Variants in NDNF observed in about 807,000 individuals in gnomAD.
The protein encoded by NDNF is neuron derived neurotrophic factor.
NDNF carries 16 observed loss-of-function variants against 42.0 expected under a neutral mutation model. The ratio of observed to expected loss-of-function variants is 0.38; its 90% CI spans 0.26 to 0.58. NDNF has a LOEUF of 0.58. Among genes scored for constraint, NDNF ranks in the 20% least tolerant of loss-of-function variants. NDNF has a pLI of 0.67. For missense variants in NDNF, 616 were observed against 666.2 expected, an observed-to-expected ratio of 0.92 and a Z score of 0.83; for synonymous variants, 248 against 251.7, an observed-to-expected ratio of 0.99 and a Z score of 0.14.
chr4:121,042,378 C>A (rs545503145), intron 2 of NDNF, among the ~76,000 whole-genome samples: 14 of 152,296 alleles, frequency 9.2e-5, no homozygotes, highest in Middle Eastern at 3.4e-3. Flanking sequence ...CCAGCCACCA[C>A]CATTCAAAGA....
chr4:121,065,037 G>T (rs568768920), intron 1 of NDNF, among the ~76,000 whole-genome samples: 3 of 152,266 alleles, frequency 2.0e-5, no homozygotes, highest in African/African-American at 4.8e-5. Context: ...TTGGGCTCAA[G>T]TGGTCCTCCA....
At chr4:121,059,533 A>T (rs1227385820) in intron 1 of NDNF, among the ~76,000 whole-genome samples, 2 of 152,236 alleles carry the variant, frequency 1.3e-5, no homozygotes, top group Non-Finnish European at 2.9e-5. Flanking sequence ...ATCCACTGGC[A>T]TGGCTGCCAT....
intron 1 of NDNF, among the ~76,000 whole-genome samples, chr4:121,064,849 T>A (rs1410745483): frequency 6.6e-6 from 1 of 152,204 alleles, no homozygotes; most frequent in Non-Finnish European, 1.5e-5. Context: ...TTACAGTAGA[T>A]ATAATTGTAC....
At position 121,072,453 on chromosome 4, in the gene NDNF, G is replaced by A. The variant is rs1366617313; in HGVS notation, c.-462C>T. On this transcript the variant is annotated 5_prime_UTR_variant, in exon 1 of 4. Coordinates refer to ENST00000379692, the MANE Select transcript of NDNF (RefSeq NM_024574.4). ...GAGCGCCGCGCGGGGTGCTGGGAGA[G>A]CCGGGCGCACGGGGCGGCAGCGGCC... The A allele has an allele frequency of 2.0e-5, 3 of 151,882 alleles. No individual in the cohort carries two copies. The highest frequency in any genetic ancestry group is 4.4e-5 in the Non-Finnish European group (3 of 67,984). 9.4% of individuals were successfully genotyped at this position (151,882 alleles called of 1,614,324 possible).
chr4:121,062,785 C>T (rs779359181), intron 1 of NDNF, among the ~76,000 whole-genome samples: 1 of 151,910 alleles, frequency 6.6e-6, no homozygotes, highest in Non-Finnish European at 1.5e-5. Flanking sequence ...CGGTCAACAA[C>T]GTTCAGTGAT....
At chr4:121,046,787 G>T (rs1396680531) in intron 1 of NDNF, among the ~76,000 whole-genome samples, 1 of 152,192 alleles carries the variant, frequency 6.6e-6, no homozygotes, top group African/African-American at 2.4e-5. Context: ...TGCTGTAGGG[G>T]TGTTGTCAAA....
At chr4:121,045,355 G>GAA (rs200400980) in intron 2 of NDNF, among the ~76,000 whole-genome samples, 151 of 137,198 alleles carry the variant, frequency 1.1e-3, no homozygotes, top group Admixed American at 2.0e-3. Context: ...CCGTCTCAGG[G>GAA]AAAAAAAAAA....
chr4:121,039,905 G>A (rs1726966660), intron 3 of NDNF, 25 bp downstream of exon 3: 1 of 1,604,822 alleles, frequency 6.2e-7, no homozygotes, highest in Non-Finnish European at 8.5e-7. Flanking sequence ...CAAAGGTCCA[G>A]GGGCAGATCT....
chr4:121,036,472 T>A lies in NDNF; in HGVS notation c.1499A>T (p.Gln500Leu). ...NEDQKKREQNQCLGPDIRKKS... is the reference protein window; with the variant it reads ...NEDQKKREQNLCLGPDIRKKS... ...CTTCCTTATATCTGGTCCTAGACAT[T>A]GGTTTTGCTCTCTTTTCTTCTGGTC... Residue 500 changes from glutamine to leucine, a missense_variant, in exon 4 of 4, where the codon CAA becomes CTA. Physicochemically the swap from Gln to Leu is moderately radical, Grantham distance 113 (BLOSUM62 -2). Coordinates refer to ENST00000379692, the MANE Select transcript of NDNF (RefSeq NM_024574.4). The A allele has an allele frequency of 1.2e-6, 2 of 1,614,194 alleles. No individual in the cohort carries two copies. The highest frequency in any genetic ancestry group is 1.7e-6 in the Non-Finnish European group (2 of 1,180,028).
intron 1 of NDNF, among the ~76,000 whole-genome samples, chr4:121,052,146 G>A (rs2148767646): frequency 6.6e-6 from 1 of 152,236 alleles, no homozygotes; most frequent in African/African-American, 2.4e-5. Flanking sequence ...AAATGTAGTT[G>A]TGAAAAATGT....
rs145514803 is a variant in NDNF at position 121,043,305 on chromosome 4, TTAC to T, written c.188+2342_188+2344del. ...TAATGCATTTGCTGTCTTTTTAAAT[TTAC>T]TGCTGTGCAACTTTATCTGGAATTT... is the stretch of plus-strand genomic sequence containing the variant. On this transcript the variant is annotated intron_variant, in intron 2 of 3. Transcript: ENST00000379692. Among the ~76,000 whole-genome samples, 510 of 152,302 alleles carry T rather than the reference TTAC, an allele frequency of 3.3e-3. 2 individuals carry two copies. Among genetic ancestry groups the T allele is most frequent in the African/African-American group, 0.012 (496 of 41,580 alleles).
intron 1 of NDNF, among the ~76,000 whole-genome samples, chr4:121,069,818 T>G (rs1376506256): frequency 6.6e-6 from 1 of 152,214 alleles, no homozygotes; most frequent in African/African-American, 2.4e-5. Context: ...CATTCCCAGT[T>G]GTCCCTCTCT....
In NDNF at chr4:121,035,783, C is replaced by T. The variant is rs886865345; in HGVS notation, c.*481G>A. ...CTAGAGGGCTATCAACTTAATAATA[C>T]TTAGATTAGATCTGTACTTTAATAG... On this transcript the variant is annotated 3_prime_UTR_variant, in exon 4 of 4. Coordinates refer to ENST00000379692, the MANE Select transcript of NDNF (RefSeq NM_024574.4). The T allele has an allele frequency of 6.6e-6, 1 of 152,602 alleles. No individual in the cohort carries two copies. The highest frequency in any genetic ancestry group is 1.5e-5 in the Non-Finnish European group (1 of 68,100). 9.5% of individuals were successfully genotyped at this position (152,602 alleles called of 1,614,324 possible). A position where few individuals can be genotyped will look rare whatever the true frequency, so the allele number is the denominator to read the frequency against.
intron 1 of NDNF, among the ~76,000 whole-genome samples, chr4:121,063,735 G>A (rs1727454722): frequency 1.3e-5 from 2 of 152,268 alleles, no homozygotes; most frequent in Non-Finnish European, 2.9e-5. Context: ...GAACCTGCGC[G>A]TGTTCAGAGA....
intron 1 of NDNF, among the ~76,000 whole-genome samples, chr4:121,064,230 A>G (rs753548006): frequency 1.3e-5 from 2 of 152,186 alleles, no homozygotes; most frequent in Non-Finnish European, 2.9e-5. Context: ...GTAGAAGGAT[A>G]GAATATCTTC....
rs749717084 is a variant in NDNF, at chr4:121,039,178, ATGTGTGTGTGTG to A, written c.313+740_313+751del. Among the ~76,000 whole-genome samples the A allele has an allele frequency of 1.2e-4, 8 of 66,712 alleles. 1 individual carries two copies. Among genetic ancestry groups the A allele is most frequent in the African/African-American group, 6.7e-4 (8 of 11,996 alleles). The allele number at this position is 66,712 out of a possible 152,430, so 43.8% of individuals were successfully genotyped here. A position where few individuals can be genotyped will look rare whatever the true frequency, so the allele number is the denominator to read the frequency against. On this transcript the variant is annotated intron_variant, in intron 3 of 3. Coordinates refer to ENST00000379692, the MANE Select transcript of NDNF (RefSeq NM_024574.4). ...ATATGTATATATATATATAAAGACT[ATGTGTGTGTGTG>A]TGTATATATATATATATATATATAT...
Position 121,036,987 on chromosome 4 carries a change from T to C in NDNF, c.984A>G (p.Val328=). 6.2e-7 allele frequency: 1 copy of C among 1,614,040 alleles called. No homozygotes were observed. The highest frequency in any genetic ancestry group is 1.7e-5 in the Admixed American group (1 of 60,004). Residue 328 remains valine (V), a synonymous_variant, in exon 4 of 4, where the codon GTA becomes GTG. Coordinates refer to ENST00000379692, the MANE Select transcript of NDNF (RefSeq NM_024574.4). ...NINSNMSTAY[V]GTFARTKEEA... Reference sequence around the variant, plus strand: ...CTTCCTTGGTCCTGGCAAAGGTACCTACATAAGCGGTGCTCATGTTGCTGT... The same window carrying C: ...CTTCCTTGGTCCTGGCAAAGGTACCCACATAAGCGGTGCTCATGTTGCTGT...
intron 3 of NDNF, among the ~76,000 whole-genome samples, chr4:121,039,234 A>ACG (rs1403553119): frequency 7.5e-6 from 1 of 133,540 alleles, no homozygotes; most frequent in African/African-American, 2.9e-5. Flanking sequence ...ATATATATAT[A>ACG]TAAAGACTAT....
At chr4:121,067,345 A>C (rs1428414101) in intron 1 of NDNF, among the ~76,000 whole-genome samples, 1 of 152,208 alleles carries the variant, frequency 6.6e-6, no homozygotes, top group African/African-American at 2.4e-5. Flanking sequence ...TGAAGCTAAA[A>C]ATAAATACTT....
Sources: allele counts gnomAD v4.1 joint callset (sites outside exome capture counted in the v4.1 genomes callset), GRCh38; gene constraint gnomAD v4.1.1; transcripts MANE v1.5; gene names NCBI Gene and HGNC (gene_info 2026-07-23, HGNC 2026-07-21).